AXDND1: variants seen among roughly 807,000 people sequenced by gnomAD.
AXDND1 encodes axonemal dynein light chain domain containing 1.
A neutral mutation model predicts 137.5 loss-of-function variants in AXDND1; 110 were observed. The observed-to-expected ratio is 0.80, with a 90% CI of 0.69 to 0.94. The LOEUF is 0.94. Ranked by LOEUF, AXDND1 falls within the 40% of genes least tolerant of loss-of-function variation. The pLI, the probability that AXDND1 is intolerant of heterozygous loss-of-function variation, is 0.00. For missense variants in AXDND1, 1,191 were observed against 1,169.8 expected (o/e 1.02, Z -0.26); for synonymous variants, 414 against 399.7 (o/e 1.04, Z -0.43).
rs1021923624 is a variant in AXDND1, at chr1:179,460,049, T to G, written c.1799-8394T>G. On this transcript the variant is annotated intron_variant, in intron 16 of 25. Transcript: ENST00000367618. ...CTTTCATTTCTTTTATTTTCTTTAT[T>G]ATTATTCTTATCCTTTAAGTTCTAG... is the stretch of plus-strand genomic sequence containing the variant. Among the ~76,000 whole-genome samples the G allele has an allele frequency of 2.8e-5, 4 of 143,026 alleles. No individual in the cohort carries two copies. In the East Asian group the frequency reaches 7.8e-4, roughly 28 times the overall value. 93.8% of individuals were successfully genotyped at this position (143,026 alleles called of 152,430 possible).
intron 15 of AXDND1, among the ~76,000 whole-genome samples, chr1:179,437,012 G>C (rs1243857874): frequency 2.8e-5 from 4 of 144,012 alleles, no homozygotes; most frequent in African/African-American, 1.0e-4. Context: ...ATATTACATT[G>C]TAAAGCTTTG....
intron 12 of AXDND1, among the ~76,000 whole-genome samples, chr1:179,419,304 T>C (rs1178189255): frequency 3.3e-5 from 5 of 151,950 alleles, no homozygotes; most frequent in Non-Finnish European, 7.4e-5. Context: ...ATCACGCCAC[T>C]GCACTCCAGC....
rs1666907073 is a variant in AXDND1 at position 179,491,639 on chromosome 1, G to A, written c.2193G>A (p.Glu731=). The change falls in exon 19 of 26, where the codon GAG becomes GAA. Residue 731 remains glutamate, a synonymous_variant. Transcript: ENST00000367618. The part of the protein sequence containing the change: ...TDQDCLLKLE[E]ESAEKHDIGV... Reference sequence around the variant, plus strand: ...AAGACTGTCTCCTAAAGTTGGAGGAGGAAAGTGCTGAGAAACATGATATAG... The same window carrying A: ...AAGACTGTCTCCTAAAGTTGGAGGAAGAAAGTGCTGAGAAACATGATATAG... The A allele has an allele frequency of 6.2e-7, 1 of 1,613,806 alleles. No homozygotes were observed. Among genetic ancestry groups the A allele is most frequent in the Non-Finnish European group, 8.5e-7 (1 of 1,179,886 alleles).
In AXDND1 at chr1:179,395,144, A is replaced by T. The variant is rs1650845851; in HGVS notation, c.1051A>T (p.Thr351Ser). ...RAHDVKLTKETEKAHKDLAQA... is the reference protein window; with the variant it reads ...RAHDVKLTKESEKAHKDLAQA... ...ACATGATGTGAAATTAACAAAGGAA[A>T]CAGAAAAAGCCCACAAGGATTTGGC... is the stretch of plus-strand genomic sequence containing the variant. The change falls in exon 11 of 26, where the codon ACA (threonine) becomes TCA (serine). Residue 351 changes from threonine to serine, a missense_variant. By Grantham distance (58) the Thr-to-Ser change is moderately conservative. Transcript: ENST00000367618. The T allele has an allele frequency of 1.9e-6, 3 of 1,613,598 alleles. No individual in the cohort carries two copies. Among genetic ancestry groups the T allele is most frequent in the Admixed American group, 1.7e-5 (1 of 59,958 alleles).
At chr1:179,545,974 C>T (rs1490084574) in intron 25 of AXDND1, 1 of 152,168 alleles carries the variant, frequency 6.6e-6, no homozygotes. Context: ...TTTTGAAGAA[C>T]TAGGCTGGGA....
chr1:179,449,085 C>T (rs1443951717), intron 16 of AXDND1: 4 of 443,788 alleles, frequency 9.0e-6, no homozygotes, highest in Admixed American at 4.9e-5. Flanking sequence ...AGGATCTCAC[C>T]GTGTTGCACA....
intron 23 of AXDND1, among the ~76,000 whole-genome samples, chr1:179,528,889 G>A (rs533261238): frequency 6.6e-6 from 1 of 152,058 alleles, no homozygotes; most frequent in Non-Finnish European, 1.5e-5. Flanking sequence ...ATTGCGCCCG[G>A]CCTAAACCCC....
intron 9 of AXDND1, among the ~76,000 whole-genome samples, chr1:179,393,684 G>A (rs750323735): frequency 2.6e-5 from 4 of 151,636 alleles, no homozygotes; most frequent in South Asian, 4.2e-4. Flanking sequence ...GAGATCTTTC[G>A]TCTCCTTGGT....
chr1:179,499,477 AG>A (rs1182381119), intron 20 of AXDND1, among the ~76,000 whole-genome samples: 1 of 152,132 alleles, frequency 6.6e-6, no homozygotes, highest in African/African-American at 2.4e-5. Context: ...GAGCTTGTAA[AG>A]GAGGGGGAGG....
intron 4 of AXDND1, among the ~76,000 whole-genome samples, chr1:179,371,087 T>C (rs1473700472): frequency 6.9e-6 from 1 of 144,562 alleles, no homozygotes; most frequent in African/African-American, 2.6e-5. Context: ...TGAAGTACTT[T>C]GAAAATTAAT....
At chr1:179,496,194 G>A (rs1219908319) in intron 20 of AXDND1, among the ~76,000 whole-genome samples, 1 of 151,830 alleles carries the variant, frequency 6.6e-6, no homozygotes, top group Non-Finnish European at 1.5e-5. Flanking sequence ...ATCTTTGTTT[G>A]GTTTTGATAT....
At chr1:179,375,842 T>A (rs1370653934) in intron 4 of AXDND1, among the ~76,000 whole-genome samples, 1 of 152,168 alleles carries the variant, frequency 6.6e-6, no homozygotes, top group Non-Finnish European at 1.5e-5. Flanking sequence ...CCCCTGTACA[T>A]ATCCAAGAGA....
chr1:179,471,925 C>T (rs965428218), intron 17 of AXDND1, among the ~76,000 whole-genome samples: 8 of 150,996 alleles, frequency 5.3e-5, no homozygotes, highest in Non-Finnish European at 8.8e-5. Flanking sequence ...GATGGAGTCT[C>T]GCTCTGCCAC....
At position 179,519,801 on chromosome 1, in the gene AXDND1, T is replaced by A. The variant is rs1669884802; in HGVS notation, c.2497-5533T>A. Among the ~76,000 whole-genome samples, 9 of 152,256 alleles carry A rather than the reference T, an allele frequency of 5.9e-5. 1 individual carries two copies. The South Asian group carries it at 1.9e-3, about 32-fold the overall frequency. ...TTTTGGTTACTGTAGCCCTGTACTA[T>A]ACTTTGAAGTTGGGTAGTGTGATGC... is the stretch of plus-strand genomic sequence containing the variant. On this transcript the variant is annotated intron_variant, in intron 21 of 25. Transcript: ENST00000367618.
intron 9 of AXDND1, among the ~76,000 whole-genome samples, chr1:179,390,679 T>G (rs1424903716): frequency 2.8e-5 from 1 of 36,010 alleles, no homozygotes; most frequent in African/African-American, 9.3e-5. Context: ...TTCCAAATAA[T>G]TAGGGCTCTA....
chr1:179,501,878 C>A (rs1199808604), intron 20 of AXDND1, among the ~76,000 whole-genome samples: 1 of 151,886 alleles, frequency 6.6e-6, no homozygotes, highest in Non-Finnish European at 1.5e-5. Context: ...AAGACAATAT[C>A]TAAGATCTTG....
upstream of AXDND1, chr1:179,365,834 A>G (rs1667330333): frequency 6.6e-6 from 1 of 152,260 alleles, no homozygotes; most frequent in Admixed American, 6.5e-5. Context: ...TGTGACTTAG[A>G]ACATAAGAAA....
At chr1:179,509,136 G>A (rs1668792379) in intron 20 of AXDND1, among the ~76,000 whole-genome samples, 160 bp from the exon 21 acceptor site, 1 of 152,200 alleles carries the variant, frequency 6.6e-6, no homozygotes, top group Non-Finnish European at 1.5e-5. Context: ...TTAGGTGTAT[G>A]TTAATAGCCA....
chr1:179,505,322 G>A (rs928314167), intron 20 of AXDND1, among the ~76,000 whole-genome samples: 2 of 152,006 alleles, frequency 1.3e-5, no homozygotes, highest in African/African-American at 4.8e-5. Flanking sequence ...CTTCTTTCCA[G>A]CCAAGGAGAT....
Sources: allele counts gnomAD v4.1 joint callset (sites outside exome capture counted in the v4.1 genomes callset), GRCh38; gene constraint gnomAD v4.1.1; transcripts MANE v1.5; gene names NCBI Gene and HGNC (gene_info 2026-07-23, HGNC 2026-07-21).